INPP5D: variants seen among roughly 807,000 people sequenced by gnomAD.
The protein encoded by INPP5D is phosphatidylinositol 3,4,5-trisphosphate 5-phosphatase 1.
A neutral mutation model predicts 122.9 loss-of-function variants in INPP5D; 33 were observed. The ratio of observed to expected loss-of-function variants is 0.27; its 90% CI spans 0.20 to 0.36. The LOEUF is 0.36. Among genes scored for constraint, INPP5D ranks in the 10% least tolerant of loss-of-function variants. The pLI is 1.00. For missense variants in INPP5D, 1,053 were observed against 1,412.7 expected (o/e 0.75, Z 4.08); for synonymous variants, 584 against 576.2 (o/e 1.01, Z -0.19).
intron 2 of INPP5D, among the ~76,000 whole-genome samples, chr2:233,094,378 T>C (rs1007114861): frequency 1.3e-5 from 2 of 151,482 alleles, no homozygotes; most frequent in African/African-American, 4.9e-5. Flanking sequence ...CCGGGCTTAG[T>C]GGTGCATGCC....
chr2:233,079,461 T>A, intron 2 of INPP5D, 63 bp downstream of exon 2: 1 of 1,070,080 alleles, frequency 9.3e-7, no homozygotes, highest in Non-Finnish European at 1.5e-6. Context: ...AGAGAAAGGG[T>A]GTAAACGATG....
intron 13 of INPP5D, among the ~76,000 whole-genome samples, chr2:233,167,834 G>A (rs543731735): frequency 2.0e-5 from 3 of 152,018 alleles, no homozygotes; most frequent in East Asian, 3.9e-4. Context: ...GTGAAACCTC[G>A]TCTCTACTAA....
At chr2:233,061,431 G>A (rs574146374) in intron 1 of INPP5D, among the ~76,000 whole-genome samples, 1 of 152,298 alleles carries the variant, frequency 6.6e-6, no homozygotes, top group East Asian at 1.9e-4. Flanking sequence ...TTGCCCTGCA[G>A]CTCTTGGTCT....
chr2:233,172,052 G>T (rs1275181227), intron 17 of INPP5D, among the ~76,000 whole-genome samples: 2 of 152,252 alleles, frequency 1.3e-5, no homozygotes, highest in African/African-American at 2.4e-5. Flanking sequence ...AGGAGAGGAA[G>T]AGAATACAAC....
rs1209723516 is a variant in INPP5D, at chr2:233,206,963, T to C, written c.*255T>C. ...GTCTGGGTCCCCAGCTCGCTCTTGG[T>C]ACTTGGGACCCCAGTGCCTCGTTGA... On this transcript the variant is annotated 3_prime_UTR_variant, in exon 27 of 27. Coordinates refer to ENST00000445964, the MANE Select transcript of INPP5D (RefSeq NM_001017915.3). The surrounding 1 kb of genome is among the most constrained non-coding windows in gnomAD (Gnocchi z 4.0). 4.1e-6 allele frequency: 2 copies of C among 484,962 alleles called. No individual in the cohort carries two copies. Among genetic ancestry groups the C allele is most frequent in the East Asian group, 3.8e-5 (1 of 26,594 alleles). The allele number at this position is 484,962 out of a possible 1,614,324, so 30.0% of individuals were successfully genotyped here.
chr2:233,161,672 A>T, intron 10 of INPP5D, 52 bp from the exon 11 acceptor site: 1 of 1,546,344 alleles, frequency 6.5e-7, no homozygotes, highest in South Asian at 1.2e-5. Flanking sequence ...GCAAAGTGTA[A>T]TGTGCAGGGA....
chr2:233,185,789 T>C (rs1274821886), intron 20 of INPP5D, 54 bp from the exon 21 acceptor site: 4 of 1,520,888 alleles, frequency 2.6e-6, no homozygotes, highest in Non-Finnish European at 3.5e-6. Flanking sequence ...GGGAGTCTTT[T>C]CTGTCTGGTT....
intron 6 of INPP5D, among the ~76,000 whole-genome samples, chr2:233,141,841 G>A (rs1471823321): frequency 6.6e-6 from 1 of 152,170 alleles, no homozygotes; most frequent in East Asian, 1.9e-4. Context: ...AAGGGGACTG[G>A]GCCAAGGGGG....
chr2:233,125,644 C>A, intron 3 of INPP5D, 101 bp from the exon 4 acceptor site: 1 of 1,030,878 alleles, frequency 9.7e-7, no homozygotes, highest in Non-Finnish European at 1.4e-6. Flanking sequence ...AGATGGAGAT[C>A]AATAACGTGG....
chr2:233,175,217 CAAAA>C (rs1220185296), intron 17 of INPP5D, among the ~76,000 whole-genome samples: 3 of 68,614 alleles, frequency 4.4e-5, no homozygotes, highest in South Asian at 6.8e-4. Flanking sequence ...GACTCCATCT[CAAAA>C]AAAAAAAAAA....
chr2:233,206,687 T>C lies in INPP5D; in HGVS notation c.3568-19T>C. 1 of 772,980 alleles carries C rather than the reference T, an allele frequency of 1.3e-6. No homozygotes were observed. 47.9% of individuals were successfully genotyped at this position (772,980 alleles called of 1,614,324 possible). On this transcript the variant is annotated intron_variant, in intron 26 of 26. Coordinates refer to ENST00000445964, the MANE Select transcript of INPP5D (RefSeq NM_001017915.3). The surrounding 1 kb of genome is among the most constrained non-coding windows in gnomAD (Gnocchi z 4.0). ...TGGTGAGAATGAGCCCTGACAGCCCTTCTGTTCTTGTCCCACAGTGAAGCC... is the reference window on the plus strand; with the variant it reads ...TGGTGAGAATGAGCCCTGACAGCCCCTCTGTTCTTGTCCCACAGTGAAGCC...
chr2:233,172,442 A>G (rs1203016922), intron 17 of INPP5D, among the ~76,000 whole-genome samples: 2 of 152,184 alleles, frequency 1.3e-5, no homozygotes, highest in Non-Finnish European at 2.9e-5. Flanking sequence ...GCCGTTGTGC[A>G]CATTCAGCTG....
chr2:233,115,275 G>A (rs1692756000), intron 2 of INPP5D, among the ~76,000 whole-genome samples: 1 of 152,142 alleles, frequency 6.6e-6, no homozygotes, highest in Non-Finnish European at 1.5e-5. Flanking sequence ...GGGGTTCCTA[G>A]CACCCCGGGG....
chr2:233,065,084 C>A (rs1044147438), intron 1 of INPP5D, among the ~76,000 whole-genome samples: 1 of 152,058 alleles, frequency 6.6e-6, no homozygotes, highest in African/African-American at 2.4e-5. Context: ...GGGGTATGTG[C>A]CCTGGAAGGC....
At position 233,152,435 on chromosome 2, in the gene INPP5D, G is replaced by T. The variant is rs925320292; in HGVS notation, c.1030+4841G>T. 2.0e-5 allele frequency among the ~76,000 whole-genome samples: 3 copies of T among 152,218 alleles called. No individual in the cohort carries two copies. The South Asian group carries it at 6.2e-4, about 32-fold the overall frequency. On this transcript the variant is annotated intron_variant, in intron 9 of 26. Transcript: ENST00000445964. ...CTATGCAGGTACCAGGCTTTGGGAT[G>T]CGAAGGTGAACCAGCCAGCCGGGAT...
rs548890140 is a variant in INPP5D at position 233,103,953 on chromosome 2, T to TCCCAAAGTGGATCCCA, written c.199-18154_199-18153insCCCAAAGTGGATCCCA. ...AACTCCTGACCTCAAATGATCCACC[T>TCCCAAAGTGGATCCCA]GCCTCCGCCTCCCAAAGTGCTGGGA... On this transcript the variant is annotated intron_variant, in intron 2 of 26. Transcript: ENST00000445964. Among the ~76,000 whole-genome samples, 23 of 145,688 alleles carry TCCCAAAGTGGATCCCA rather than the reference T, an allele frequency of 1.6e-4. No homozygotes were observed. The South Asian group carries it at 5.0e-3, about 32-fold the overall frequency.
In INPP5D at chr2:233,170,178, G is replaced by T. The variant is rs779691426; in HGVS notation, c.1791+14G>T. 1 of 1,611,470 alleles carries T rather than the reference G, an allele frequency of 6.2e-7. No homozygotes were observed. On this transcript the variant is annotated intron_variant, in intron 15 of 26. Coordinates refer to ENST00000445964, the MANE Select transcript of INPP5D (RefSeq NM_001017915.3). The surrounding 1 kb of genome is among the most constrained non-coding windows in gnomAD (Gnocchi z 4.5). The stretch of plus-strand genomic sequence containing the variant: ...CTGCCTACCTGGGTAAGGGCTGCCC[G>T]CCTGGGGCTGGGGCTGGGGCTGTAT...
At chr2:233,061,758 C>T in intron 1 of INPP5D, among the ~76,000 whole-genome samples, 1 of 152,234 alleles carries the variant, frequency 6.6e-6, no homozygotes, top group Non-Finnish European at 1.5e-5. Flanking sequence ...TGAGTGACAA[C>T]AGTCAAAGCC....
At chr2:233,175,266 T>C (rs1559335000) in intron 17 of INPP5D, among the ~76,000 whole-genome samples, 1 of 150,874 alleles carries the variant, frequency 6.6e-6, no homozygotes, top group African/African-American at 2.4e-5. Context: ...GCCTTGTTTG[T>C]AATCTTCAAA....
Sources: gnomAD v4.1 joint callset for allele counts (sites outside exome capture counted in the v4.1 genomes callset) on GRCh38, gnomAD v4.1.1 for gene constraint, Gnocchi (gnomAD v3.1) non-coding constraint, MANE v1.5 for transcripts, NCBI Gene and HGNC (gene_info 2026-07-23, HGNC 2026-07-21) for gene names.